Variants in MARCHF10 observed in about 807,000 individuals in gnomAD.
MARCHF10 encodes probable E3 ubiquitin-protein ligase MARCHF10.
A neutral mutation model predicts 76.2 loss-of-function variants in MARCHF10; 64 were observed. That is an observed-to-expected ratio of 0.84 (90% CI 0.69 to 1.03). The LOEUF (loss-of-function observed/expected upper bound fraction) is 1.03. MARCHF10 is among the 50% of genes least tolerant of loss of function. The pLI, the probability that MARCHF10 is intolerant of heterozygous loss-of-function variation, is 0.00. For synonymous variants in MARCHF10, 340 were observed against 357.5 expected (o/e 0.95, Z 0.55); for missense variants, 875 against 958.0 (o/e 0.91, Z 1.14).
intron 2 of MARCHF10, among the ~76,000 whole-genome samples, chr17:62,791,838 G>A (rs1030242063): frequency 1.3e-5 from 2 of 152,056 alleles, no homozygotes; most frequent in Non-Finnish European, 2.9e-5. Flanking sequence ...TGTGCGGGGC[G>A]GGTGGGGGGA....
intron 3 of MARCHF10, among the ~76,000 whole-genome samples, chr17:62,766,051 C>A (rs2092322813): frequency 6.6e-6 from 1 of 151,016 alleles, no homozygotes; most frequent in Non-Finnish European, 1.5e-5. Context: ...AAAAAATTAG[C>A]CAGGCATGGT....
intron 2 of MARCHF10, among the ~76,000 whole-genome samples, chr17:62,793,436 CAACCAT>C (rs2092914736): frequency 6.8e-6 from 1 of 146,366 alleles, no homozygotes; most frequent in Non-Finnish European, 1.5e-5. Flanking sequence ...ACTACCACCA[CAACCAT>C]CACCACCATC....
intron 6 of MARCHF10, among the ~76,000 whole-genome samples, chr17:62,733,055 G>A (rs891242560): frequency 5.3e-5 from 8 of 149,998 alleles, no homozygotes; most frequent in Admixed American, 1.3e-4. Context: ...CTACAAATTG[G>A]GAAAAGATAT....
At chr17:62,743,513 C>T (rs988756015) in intron 5 of MARCHF10, among the ~76,000 whole-genome samples, 15 of 152,146 alleles carry the variant, frequency 9.9e-5, no homozygotes, top group African/African-American at 2.7e-4. Flanking sequence ...CATGGTGGTG[C>T]GCGCCTGTGG....
intron 6 of MARCHF10, among the ~76,000 whole-genome samples, chr17:62,729,283 C>A (rs956014595): frequency 6.6e-6 from 1 of 151,614 alleles, no homozygotes; most frequent in Non-Finnish European, 1.5e-5. Flanking sequence ...TGTATGCCAA[C>A]AAAGAGAGAA....
At chr17:62,742,122 C>T (rs572168927) in intron 5 of MARCHF10, among the ~76,000 whole-genome samples, 11 of 150,534 alleles carry the variant, frequency 7.3e-5, no homozygotes, top group Non-Finnish European at 1.0e-4. Context: ...CAGGTTCAAG[C>T]GATTCTCTTG....
At chr17:62,743,792 A>G (rs1056319971) in intron 5 of MARCHF10, among the ~76,000 whole-genome samples, 1 of 152,186 alleles carries the variant, frequency 6.6e-6, no homozygotes, top group Non-Finnish European at 1.5e-5. Context: ...AGGGGGTGAT[A>G]CACCAAACCA....
chr17:62,792,759 ACCACC>A, intron 2 of MARCHF10, among the ~76,000 whole-genome samples: 1 of 138,020 alleles, frequency 7.2e-6, no homozygotes, highest in South Asian at 2.5e-4. Flanking sequence ...CATCACCACC[ACCACC>A]TCCATCACTA....
At chr17:62,722,692 TG>T (rs2090550615) in intron 7 of MARCHF10, 95 bp from the exon 8 acceptor site, 1 of 985,164 alleles carries the variant, frequency 1.0e-6, no homozygotes, top group African/African-American at 1.6e-5. Context: ...AACTTGTGTG[TG>T]TTATGAATTC....
intron 3 of MARCHF10, among the ~76,000 whole-genome samples, chr17:62,773,451 G>C (rs2092485510): frequency 6.6e-6 from 1 of 152,198 alleles, no homozygotes; most frequent in Admixed American, 6.5e-5. Flanking sequence ...AATGGAGTCA[G>C]TCAGTGTAAA....
At chr17:62,753,220 C>A (rs1176781630) in intron 4 of MARCHF10, among the ~76,000 whole-genome samples, 6 of 152,100 alleles carry the variant, frequency 3.9e-5, no homozygotes, top group Non-Finnish European at 7.3e-5. Flanking sequence ...GATTCTCCTG[C>A]CTCAGTCTCC....
intron 3 of MARCHF10, among the ~76,000 whole-genome samples, chr17:62,762,858 T>C (rs1001169895): frequency 1.3e-5 from 2 of 152,180 alleles, no homozygotes; most frequent in Non-Finnish European, 2.9e-5. Flanking sequence ...TCCTCTTTCA[T>C]GAAACCCCAT....
intron 10 of MARCHF10, among the ~76,000 whole-genome samples, chr17:62,704,059 C>T (rs1247136404): frequency 6.6e-6 from 1 of 151,572 alleles, no homozygotes; most frequent in African/African-American, 2.4e-5. Context: ...GGCGCCTGGG[C>T]GCGGCGCCGG....
chr17:62,730,051 G>T lies in MARCHF10; in HGVS notation c.1938-4947C>A, dbSNP rs181571787. Among the ~76,000 whole-genome samples, 973 of 152,076 alleles carry T rather than the reference G, an allele frequency of 6.4e-3. 12 individuals carry two copies. Among genetic ancestry groups the T allele is most frequent in the African/African-American group, 0.023 (936 of 41,366 alleles). On this transcript the variant is annotated intron_variant, in intron 6 of 10. Transcript: ENST00000311269. ...GCAAAAATTAGCCGGGTGAGGTGGCGCCTGCCTGTAATCCCAGCTACTCAG... is the reference window on the plus strand; with the variant it reads ...GCAAAAATTAGCCGGGTGAGGTGGCTCCTGCCTGTAATCCCAGCTACTCAG...
chr17:62,702,951 C>G (rs2089337911), intron 10 of MARCHF10, among the ~76,000 whole-genome samples: 1 of 152,192 alleles, frequency 6.6e-6, no homozygotes, highest in African/African-American at 2.4e-5. Context: ...CTGCCCCTGT[C>G]CTCATCTGTT....
chr17:62,714,043 G>A (rs925848049), intron 8 of MARCHF10, among the ~76,000 whole-genome samples: 2 of 152,224 alleles, frequency 1.3e-5, no homozygotes, highest in Non-Finnish European at 1.5e-5. Flanking sequence ...ATATTCAAGA[G>A]TGCTCCTAGG....
At chr17:62,731,934 G>C (rs912876995) in intron 6 of MARCHF10, among the ~76,000 whole-genome samples, 1 of 152,126 alleles carries the variant, frequency 6.6e-6, no homozygotes, top group Non-Finnish European at 1.5e-5. Flanking sequence ...TTTTACAGTT[G>C]AAATTATTTT....
At chr17:62,778,810 AG>A (rs1327396644) in intron 3 of MARCHF10, among the ~76,000 whole-genome samples, 1 of 151,968 alleles carries the variant, frequency 6.6e-6, no homozygotes, top group African/African-American at 2.4e-5. Flanking sequence ...TGGAAGTAGG[AG>A]GAGGAGCAGA....
At chr17:62,801,078 T>C (rs2093063477) in intron 2 of MARCHF10, among the ~76,000 whole-genome samples, 1 of 128,824 alleles carries the variant, frequency 7.8e-6, no homozygotes, top group African/African-American at 3.1e-5. Context: ...CTGAGGGAAG[T>C]ACTTTTACAG....
Sources: allele counts gnomAD v4.1 joint callset (sites outside exome capture counted in the v4.1 genomes callset), GRCh38; gene constraint gnomAD v4.1.1; transcripts MANE v1.5; gene names NCBI Gene and HGNC (gene_info 2026-07-23, HGNC 2026-07-21).